ERMP1: variants seen among roughly 807,000 people sequenced by gnomAD.
The protein encoded by ERMP1 is Felix-ina.
In ERMP1, 86 loss-of-function variants were observed where a neutral mutation model predicts 92.0. The ratio of observed to expected loss-of-function variants is 0.93; its 90% CI spans 0.79 to 1.12. The LOEUF (loss-of-function observed/expected upper bound fraction) is 1.12. ERMP1 is among the 50% of genes most tolerant of loss of function. The probability of loss-of-function intolerance (pLI) is 0.00; values close to 1 mark genes in which losing one functional copy is unlikely to be tolerated. For synonymous variants in ERMP1, 530 were observed against 412.8 expected (o/e 1.28, Z -3.44); for missense variants, 1,342 against 1,116.3 (o/e 1.20, Z -2.88).
At chr9:5,861,720 T>TTG (rs1830501796) in intron 5 of ERMP1, among the ~76,000 whole-genome samples, 2 of 140,330 alleles carry the variant, frequency 1.4e-5, no homozygotes, top group Non-Finnish European at 1.6e-5. Flanking sequence ...AGGAAGGGTT[T>TTG]TTTTTTTTTT....
Position 5,786,725 on chromosome 9 carries a change from T to C in ERMP1, c.*419A>G, listed in dbSNP as rs1400169498. On this transcript the variant is annotated 3_prime_UTR_variant, in exon 15 of 15. Coordinates refer to ENST00000339450, the MANE Select transcript of ERMP1 (RefSeq NM_024896.3). Reference sequence around the variant, plus strand: ...GGAATCATTACCTCAGTGAATGATATTTTACCCACCATCCACTAATACAAC... The same window carrying C: ...GGAATCATTACCTCAGTGAATGATACTTTACCCACCATCCACTAATACAAC... The C allele has an allele frequency of 6.1e-6, 1 of 164,238 alleles. No individual in the cohort carries two copies. Among genetic ancestry groups the C allele is most frequent in the Non-Finnish European group, 1.3e-5 (1 of 74,840 alleles). The allele number at this position is 164,238 out of a possible 1,614,324, so 10.2% of individuals were successfully genotyped here. A position where few individuals can be genotyped will look rare whatever the true frequency, so the allele number is the denominator to read the frequency against.
intron 5 of ERMP1, among the ~76,000 whole-genome samples, chr9:5,861,524 G>A (rs890904263): frequency 2.6e-5 from 4 of 151,836 alleles, no homozygotes; most frequent in Non-Finnish European, 5.9e-5. Context: ...TTTTACAGAT[G>A]GCACTAAAAG....
chr9:5,862,143 C>T (rs1407552665), intron 5 of ERMP1, among the ~76,000 whole-genome samples: 2 of 152,126 alleles, frequency 1.3e-5, no homozygotes, highest in Admixed American at 1.3e-4. Context: ...GATCCTCCCA[C>T]CTCAGCCTCC....
Position 5,833,108 on chromosome 9 carries a change from A to G in ERMP1, c.-81T>C. The stretch of plus-strand genomic sequence containing the variant: ...CCGCCGACGCCGCCGTCGCTGCCGC[A>G]GCGCCTCCTAGTGAGCGGACGGAAA... On this transcript the variant is annotated 5_prime_UTR_variant, in exon 1 of 15. Transcript: ENST00000339450. 1 of 1,195,266 alleles carries G rather than the reference A, an allele frequency of 8.4e-7. No homozygotes were observed. The highest frequency in any genetic ancestry group is 3.1e-5 in the East Asian group (1 of 32,544). The allele number at this position is 1,195,266 out of a possible 1,614,324, so 74.0% of individuals were successfully genotyped here.
rs553425726 is a variant in ERMP1, at chr9:5,785,482, G to A, written c.*1662C>T. 6.6e-6 allele frequency: 1 copy of A among 152,358 alleles called. No individual in the cohort carries two copies. Among genetic ancestry groups the A allele is most frequent in the Non-Finnish European group, 1.5e-5 (1 of 68,046 alleles). The allele number at this position is 152,358 out of a possible 1,614,324, so 9.4% of individuals were successfully genotyped here. ...GACTGATTTCTACAAAGTCCAGGAA[G>A]AGCAATGATTCCAGTGTGCAGTGCT... On this transcript the variant is annotated 3_prime_UTR_variant, in exon 15 of 15. Coordinates refer to ENST00000339450, the MANE Select transcript of ERMP1 (RefSeq NM_024896.3).
At chr9:5,794,663 T>G (rs1828341644) in intron 13 of ERMP1, among the ~76,000 whole-genome samples, 1 of 152,142 alleles carries the variant, frequency 6.6e-6, no homozygotes, top group Admixed American at 6.5e-5. Context: ...ATGAACCAAT[T>G]CTTTAAAAGA....
chr9:5,797,493 C>G (rs1351085603), intron 13 of ERMP1, among the ~76,000 whole-genome samples: 2 of 151,908 alleles, frequency 1.3e-5, no homozygotes, highest in Admixed American at 1.3e-4. Flanking sequence ...ACTAAAAATA[C>G]AAAAATTAGC....
rs1423427821 is a variant in ERMP1 at position 5,832,861 on chromosome 9, C to G, written c.167G>C (p.Gly56Ala). The G allele has an allele frequency of 3.3e-6, 5 of 1,518,014 alleles. No homozygotes were observed. Among genetic ancestry groups the G allele is most frequent in the Non-Finnish European group, 3.5e-6 (4 of 1,141,922 alleles). 94.0% of individuals were successfully genotyped at this position (1,518,014 alleles called of 1,614,324 possible). The change falls in exon 1 of 15, where the codon GGT becomes GCT. Residue 56 changes from glycine to alanine, a missense_variant. By Grantham distance (60) the Gly-to-Ala change is moderately conservative. Coordinates refer to ENST00000339450, the MANE Select transcript of ERMP1 (RefSeq NM_024896.3). ...CGCGCCCCTGCTCGCGCCGCCGCTA[C>G]CCCCGGGGCTCCTCTTCCGCGTCCT... ...GGRTRKRSPG[G>A]SGGASRGAGT... is the part of the protein sequence containing the mutation.
Position 5,832,697 on chromosome 9 carries a change from G to T in ERMP1, c.331C>A (p.Gln111Lys). 6.8e-7 allele frequency: 1 copy of T among 1,471,450 alleles called. No homozygotes were observed. The highest frequency in any genetic ancestry group is 8.9e-7 in the Non-Finnish European group (1 of 1,118,968). 91.1% of individuals were successfully genotyped at this position (1,471,450 alleles called of 1,614,324 possible). A position where few individuals can be genotyped will look rare whatever the true frequency, so the allele number is the denominator to read the frequency against. ...GGAGGGAGCGGCCGGTACCTGGCTT[G>T]GAGCGCGTCGAACTCCCCGCGGTGT... ...AGHRGEFDALQARDYLEHITS... is the reference protein window; with the variant it reads ...AGHRGEFDALKARDYLEHITS... Residue 111 changes from glutamine (Q) to lysine (K), a missense_variant, in exon 1 of 15, where the codon CAA (glutamine) becomes AAA (lysine). By Grantham distance (53) the Gln-to-Lys change is moderately conservative. Coordinates refer to ENST00000339450, the MANE Select transcript of ERMP1 (RefSeq NM_024896.3).
At chr9:5,817,182 G>A (rs1365930405) in intron 4 of ERMP1, among the ~76,000 whole-genome samples, 1 of 151,714 alleles carries the variant, frequency 6.6e-6, no homozygotes, top group Non-Finnish European at 1.5e-5. Flanking sequence ...ACAGGCATGA[G>A]CCACCGTGCC....
chr9:5,790,728 ATATC>A (rs1344164071), intron 13 of ERMP1, among the ~76,000 whole-genome samples: 2 of 152,252 alleles, frequency 1.3e-5, no homozygotes, highest in Admixed American at 6.5e-5. Context: ...AAAATTGTGA[ATATC>A]TATGCATCAG....
At chr9:5,853,378 C>G (rs765573770) in intron 6 of ERMP1, among the ~76,000 whole-genome samples, 77 of 152,124 alleles carry the variant, frequency 5.1e-4, no homozygotes, top group Non-Finnish European at 9.1e-4. Flanking sequence ...TAACCTGATC[C>G]CCTTCACCAT....
intron 4 of ERMP1, among the ~76,000 whole-genome samples, chr9:5,816,221 A>AT (rs966279383): frequency 6.6e-6 from 1 of 151,740 alleles, no homozygotes. Context: ...AGGAACCCAG[A>AT]TTTTTTTTTA....
At chr9:5,813,520 T>A (rs903575871) in intron 4 of ERMP1, among the ~76,000 whole-genome samples, 8 of 152,126 alleles carry the variant, frequency 5.3e-5, no homozygotes, top group Admixed American at 5.2e-4. Context: ...CTTTTTCGGA[T>A]TTTGGAATAT....
chr9:5,809,102 G>A (rs1482291003), intron 8 of ERMP1, among the ~76,000 whole-genome samples: 5 of 152,014 alleles, frequency 3.3e-5, no homozygotes, highest in South Asian at 2.1e-4. Flanking sequence ...GCTCACTGCA[G>A]GCTCCGCCTC....
chr9:5,862,507 A>AT (rs1830529946), intron 5 of ERMP1, among the ~76,000 whole-genome samples: 1 of 151,344 alleles, frequency 6.6e-6, no homozygotes, highest in African/African-American at 2.4e-5. Context: ...TAATTTTTTA[A>AT]TTTTTTGTAC....
At chr9:5,789,847 CTTT>C (rs35893609) in intron 13 of ERMP1, among the ~76,000 whole-genome samples, 1 of 136,626 alleles carries the variant, frequency 7.3e-6, no homozygotes. Flanking sequence ...CAAACCTGGC[CTTT>C]TTTTTTTTTT....
intron 4 of ERMP1, among the ~76,000 whole-genome samples, chr9:5,821,463 C>A (rs1031833916): frequency 1.3e-5 from 2 of 152,128 alleles, no homozygotes; most frequent in African/African-American, 4.8e-5. Context: ...AAACCATATG[C>A]ATTTAATAAA....
Position 5,864,612 on chromosome 9 carries a change from T to C in ERMP1, n.3055+3190A>G, listed in dbSNP as rs111882326. 1.9e-3 allele frequency among the ~76,000 whole-genome samples: 296 copies of C among 152,028 alleles called. 2 individuals are homozygous for C. Among genetic ancestry groups the C allele is most frequent in the African/African-American group, 6.8e-3 (283 of 41,436 alleles). ...ATGACAGGCTTTCCTCAGGGGGTGGTAGAGATGTTTGGGGCAGGTGGAAGA... is the reference window on the plus strand; with the variant it reads ...ATGACAGGCTTTCCTCAGGGGGTGGCAGAGATGTTTGGGGCAGGTGGAAGA... On this transcript the variant is annotated intron_variant and non_coding_transcript_variant, in intron 5 of 6. Coordinates refer to the ERMP1 transcript ENST00000690753.
Sources: gnomAD v4.1 joint callset for allele counts (sites outside exome capture counted in the v4.1 genomes callset) on GRCh38, gnomAD v4.1.1 for gene constraint, MANE v1.5 for transcripts, NCBI Gene and HGNC (gene_info 2026-07-23, HGNC 2026-07-21) for gene names.